The following BRINP3 variants were observed in gnomAD, a reference collection of about 807,000 sequenced individuals.
BRINP3 encodes the protein BMP/retinoic acid inducible neural specific 3.
BRINP3 carries 19 observed loss-of-function variants against 71.0 expected under a neutral mutation model. That is an observed-to-expected ratio of 0.27 (90% CI 0.19 to 0.39). The LOEUF is 0.39. Ranked by LOEUF, BRINP3 falls within the 10% of genes least tolerant of loss-of-function variation. The pLI is 1.00. For missense variants in BRINP3, 959 were observed against 940.8 expected, an observed-to-expected ratio of 1.02 and a Z score of -0.25; for synonymous variants, 380 against 337.7, an observed-to-expected ratio of 1.13 and a Z score of -1.37.
At chr1:190,198,344 G>C (rs1271269162) in intron 6 of BRINP3, among the ~76,000 whole-genome samples, 1 of 152,110 alleles carries the variant, frequency 6.6e-6, no homozygotes, top group African/African-American at 2.4e-5. Context: ...ACAAATTTCT[G>C]CAGCCATCTT....
intron 6 of BRINP3, among the ~76,000 whole-genome samples, chr1:190,161,414 A>C (rs1225610732): frequency 1.3e-5 from 2 of 151,596 alleles, no homozygotes; most frequent in African/African-American, 4.8e-5. Context: ...TTTAAATATA[A>C]AATTATAATA....
intron 4 of BRINP3, among the ~76,000 whole-genome samples, chr1:190,262,326 A>G (rs912995513): frequency 2.0e-5 from 3 of 151,284 alleles, no homozygotes; most frequent in Non-Finnish European, 4.4e-5. Flanking sequence ...TCTAAATTAA[A>G]CCCTGAAAGG....
chr1:190,387,274 G>T (rs1475584051), intron 2 of BRINP3, among the ~76,000 whole-genome samples: 2 of 151,948 alleles, frequency 1.3e-5, no homozygotes, highest in Non-Finnish European at 2.9e-5. Flanking sequence ...AATAACAAAA[G>T]TTAGAGGATG....
At chr1:190,167,715 G>A (rs1651680009) in intron 6 of BRINP3, among the ~76,000 whole-genome samples, 1 of 152,114 alleles carries the variant, frequency 6.6e-6, no homozygotes, top group African/African-American at 2.4e-5. Flanking sequence ...TAGATATGTA[G>A]GATGACTGGA....
intron 2 of BRINP3, among the ~76,000 whole-genome samples, chr1:190,360,201 AG>A (rs1669047088): frequency 6.6e-6 from 1 of 152,200 alleles, no homozygotes; most frequent in African/African-American, 2.4e-5. Flanking sequence ...GCCTTTCTAA[AG>A]TGTTGTCCTT....
chr1:190,305,514 A>G (rs1665032943), intron 2 of BRINP3, among the ~76,000 whole-genome samples: 1 of 151,718 alleles, frequency 6.6e-6, no homozygotes, highest in Admixed American at 6.6e-5. Flanking sequence ...CATATACTGC[A>G]TTATCTCACT....
chr1:190,460,645 T>C (rs1199929042), intron 1 of BRINP3, among the ~76,000 whole-genome samples: 1 of 152,148 alleles, frequency 6.6e-6, no homozygotes, highest in East Asian at 1.9e-4. Flanking sequence ...CTCAGGAACT[T>C]ACCGGTTTAG....
At chr1:190,263,083 A>G (rs1241052155) in intron 4 of BRINP3, among the ~76,000 whole-genome samples, 1 of 152,152 alleles carries the variant, frequency 6.6e-6, no homozygotes, top group Non-Finnish European at 1.5e-5. Context: ...AGCAACAACA[A>G]AAATCAATAG....
chr1:190,318,645 A>G (rs1666040762), intron 2 of BRINP3, among the ~76,000 whole-genome samples: 2 of 152,098 alleles, frequency 1.3e-5, no homozygotes, highest in South Asian at 4.1e-4. Context: ...AAAGACAAAT[A>G]GTAGCTCAGA....
At chr1:190,326,309 T>A (rs929643534) in intron 2 of BRINP3, among the ~76,000 whole-genome samples, 1 of 152,056 alleles carries the variant, frequency 6.6e-6, no homozygotes. Context: ...AAGCAATGAA[T>A]TATTGGCATT....
chr1:190,102,781 A>G (rs145450864), intron 7 of BRINP3, among the ~76,000 whole-genome samples: 1 of 152,164 alleles, frequency 6.6e-6, no homozygotes, highest in African/African-American at 2.4e-5. Context: ...AAGGATATAG[A>G]GAATCTTTAT....
At chr1:190,375,357 T>C (rs1168239008) in intron 2 of BRINP3, among the ~76,000 whole-genome samples, 4 of 151,950 alleles carry the variant, frequency 2.6e-5, no homozygotes, top group African/African-American at 7.2e-5. Context: ...ATGTCACTTA[T>C]GACCATGTAC....
intron 2 of BRINP3, among the ~76,000 whole-genome samples, chr1:190,299,037 C>G (rs976717588): frequency 6.6e-6 from 1 of 152,048 alleles, no homozygotes; most frequent in East Asian, 1.9e-4. Context: ...TGTATTAATC[C>G]TTTATCATTA....
chr1:190,404,264 A>G (rs1672121547), intron 2 of BRINP3, among the ~76,000 whole-genome samples: 1 of 152,170 alleles, frequency 6.6e-6, no homozygotes, highest in African/African-American at 2.4e-5. Context: ...AAAATCTGAC[A>G]TATTTGAATA....
chr1:190,259,570 G>A (rs1660983005), intron 4 of BRINP3, among the ~76,000 whole-genome samples: 1 of 145,970 alleles, frequency 6.9e-6, no homozygotes, highest in Non-Finnish European at 1.5e-5. Flanking sequence ...CTAAGAGCAG[G>A]ACAAAGAAAG....
chr1:190,323,172 G>A (rs760209167), intron 2 of BRINP3, among the ~76,000 whole-genome samples: 2 of 151,928 alleles, frequency 1.3e-5, no homozygotes, highest in African/African-American at 4.8e-5. Context: ...TCACATACCT[G>A]GTCTAGGTAG....
intron 4 of BRINP3, among the ~76,000 whole-genome samples, chr1:190,245,124 C>G (rs1350600146): frequency 6.6e-6 from 1 of 151,954 alleles, no homozygotes; most frequent in African/African-American, 2.4e-5. Flanking sequence ...TAAACAAGCA[C>G]CCGAGAGAAC....
At chr1:190,204,035 T>C (rs1655272891) in intron 6 of BRINP3, among the ~76,000 whole-genome samples, 1 of 151,412 alleles carries the variant, frequency 6.6e-6, no homozygotes, top group South Asian at 2.1e-4. Flanking sequence ...CTTCTAAAAA[T>C]TAAGCTATTA....
chr1:190,463,870 A>G (rs1676559961), intron 1 of BRINP3, among the ~76,000 whole-genome samples: 1 of 151,798 alleles, frequency 6.6e-6, no homozygotes, highest in Non-Finnish European at 1.5e-5. Context: ...TTGCTACTGT[A>G]TTTTCTAAAG....
Sources: allele counts gnomAD v4.1 joint callset (sites outside exome capture counted in the v4.1 genomes callset), GRCh38; gene constraint gnomAD v4.1.1; transcripts MANE v1.5; gene names NCBI Gene and HGNC (gene_info 2026-07-23, HGNC 2026-07-21).